Variants in BRD10 observed in about 807,000 individuals in gnomAD.
BRD10 encodes the protein uncharacterized bromodomain-containing protein 10.
chr9:5,901,479 TTTC>T, the BRD10 span, among the ~76,000 whole-genome samples: 2 of 152,228 alleles, frequency 1.3e-5, no homozygotes, highest in Non-Finnish European at 2.9e-5. Flanking sequence ...ATCTTGCAAA[TTTC>T]TTCTTTAGTC....
At chr9:5,881,506 G>C in the BRD10 span, 2 of 152,270 alleles carry the variant, frequency 1.3e-5, no homozygotes, top group Non-Finnish European at 2.9e-5. Flanking sequence ...GAGGCTTGGA[G>C]ACCAGGGATG....
chr9:5,923,007 A>G, the BRD10 span: 1 of 1,614,008 alleles, frequency 6.2e-7, no homozygotes, highest in South Asian at 1.1e-5. Flanking sequence ...TGGAGAGTAG[A>G]CACTGGTACT....
At chr9:5,969,363 G>C in the BRD10 span, 15 of 1,610,690 alleles carry the variant, frequency 9.3e-6, no homozygotes, top group Middle Eastern at 1.7e-4. Context: ...GCTTGAGCTA[G>C]AAGTTTTCTT....
At chr9:5,983,937 TAC>T in the BRD10 span, among the ~76,000 whole-genome samples, 2 of 144,142 alleles carry the variant, frequency 1.4e-5, no homozygotes, top group Non-Finnish European at 1.5e-5. Flanking sequence ...AACCTGTCAA[TAC>T]AGAGTCATAT....
chr9:5,956,897 T>A, the BRD10 span, among the ~76,000 whole-genome samples: 1 of 152,118 alleles, frequency 6.6e-6, no homozygotes, highest in Non-Finnish European at 1.5e-5. Context: ...TTAGCACACA[T>A]AAGTTCTAAG....
At chr9:5,945,809 G>A in the BRD10 span, among the ~76,000 whole-genome samples, 1 of 151,604 alleles carries the variant, frequency 6.6e-6, no homozygotes, top group Admixed American at 6.6e-5. Flanking sequence ...CTGCGAAAAA[G>A]AACTAGATTT....
At chr9:5,976,860 A>G in the BRD10 span, among the ~76,000 whole-genome samples, 1 of 152,106 alleles carries the variant, frequency 6.6e-6, no homozygotes, top group Non-Finnish European at 1.5e-5. Context: ...GACAGAGAAG[A>G]GTGTTACATG....
chr9:5,916,031 A>G, the BRD10 span, among the ~76,000 whole-genome samples: 1 of 152,210 alleles, frequency 6.6e-6, no homozygotes, highest in African/African-American at 2.4e-5. Flanking sequence ...AACCTTCTAA[A>G]CTATGCTATA....
At chr9:5,959,890 C>T in the BRD10 span, among the ~76,000 whole-genome samples, 2 of 152,152 alleles carry the variant, frequency 1.3e-5, no homozygotes, top group Admixed American at 6.6e-5. Context: ...AAAATGACAC[C>T]CTTCTATCAT....
chr9:5,969,741 T>G, the BRD10 span, among the ~76,000 whole-genome samples: 1 of 152,150 alleles, frequency 6.6e-6, no homozygotes, highest in Non-Finnish European at 1.5e-5. Flanking sequence ...AGACGGGGTT[T>G]CACCATGTTG....
At chr9:5,920,456 C>T in the BRD10 span, 8 of 1,613,944 alleles carry the variant, frequency 5.0e-6, no homozygotes, top group Non-Finnish European at 6.8e-6. Context: ...AATGGTAGTG[C>T]CACCTGGAGC....
At chr9:5,964,207 A>C in the BRD10 span, among the ~76,000 whole-genome samples, 1 of 146,274 alleles carries the variant, frequency 6.8e-6, no homozygotes, top group African/African-American at 2.5e-5. Flanking sequence ...ACAAATTTAC[A>C]AGAAAAAAAC....
the BRD10 span, chr9:5,921,718 T>C: frequency 1.9e-6 from 3 of 1,613,950 alleles, no homozygotes; most frequent in South Asian, 3.3e-5. Context: ...CATTGTTTTG[T>C]CCAAAATTTG....
At chr9:5,936,318 G>A in the BRD10 span, among the ~76,000 whole-genome samples, 2 of 152,118 alleles carry the variant, frequency 1.3e-5, no homozygotes, top group South Asian at 2.1e-4. Flanking sequence ...TCACACTACT[G>A]CACTCTTGCC....
At chr9:5,922,535 A>G in the BRD10 span, 3 of 1,614,016 alleles carry the variant, frequency 1.9e-6, no homozygotes, top group East Asian at 6.7e-5. Flanking sequence ...TGGTGAGTTG[A>G]CAAAAACTGA....
chr9:5,957,910 G>A, the BRD10 span, among the ~76,000 whole-genome samples: 1 of 152,056 alleles, frequency 6.6e-6, no homozygotes, highest in Admixed American at 6.5e-5. Context: ...CTACCAGTGG[G>A]CTTCCCTTCC....
At chr9:6,004,708 T>G in the BRD10 span, among the ~76,000 whole-genome samples, 1 of 151,906 alleles carries the variant, frequency 6.6e-6, no homozygotes, top group African/African-American at 2.4e-5. Flanking sequence ...AAATAAGCTA[T>G]GAGTCATCTA....
the BRD10 span, among the ~76,000 whole-genome samples, chr9:5,948,355 T>C: frequency 5.3e-5 from 8 of 152,184 alleles, no homozygotes; most frequent in Non-Finnish European, 1.2e-4. Flanking sequence ...TAAAGAAATC[T>C]AACAACTGAA....
At chr9:5,935,762 CTACT>C in the BRD10 span, among the ~76,000 whole-genome samples, 4 of 152,132 alleles carry the variant, frequency 2.6e-5, no homozygotes, top group South Asian at 6.2e-4. Context: ...GGACAGTATC[CTACT>C]TACTTTTATT....
Sources: allele counts gnomAD v4.1 joint callset (sites outside exome capture counted in the v4.1 genomes callset), GRCh38; gene constraint gnomAD v4.1.1; transcripts MANE v1.5; gene names NCBI Gene and HGNC (gene_info 2026-07-23, HGNC 2026-07-21).